Variants in JAZF1 observed in about 807,000 individuals in gnomAD.
JAZF1 encodes juxtaposed with another zinc finger protein 1.
In JAZF1, 8 loss-of-function variants were observed where a neutral mutation model predicts 26.4. The observed-to-expected ratio is 0.30, with a 90% CI of 0.18 to 0.55. The LOEUF is 0.55. Ranked by LOEUF, JAZF1 falls within the 20% of genes least tolerant of loss-of-function variation. The probability of loss-of-function intolerance (pLI) is 0.94; values close to 1 mark genes in which losing one functional copy is unlikely to be tolerated. For synonymous variants in JAZF1, 126 were observed against 122.3 expected (o/e 1.03, Z -0.20); for missense variants, 199 against 322.0 (o/e 0.62, Z 2.92).
intron 1 of JAZF1, among the ~76,000 whole-genome samples, chr7:28,099,020 T>G (rs6958010): frequency 0.78 from 119,173 of 152,118 alleles, 47,007 homozygotes; most frequent in African/African-American, 0.87. Context: ...CTAATAAGCA[T>G]CAGGGCAAAG....
Position 27,831,767 on chromosome 7 carries a change from G to A in JAZF1, c.*1033C>T. ...GGTCTTAACAAAAGTGTTCATCTTT[G>A]AAACGTGCTTAGAATTTTAGTTCTG... On this transcript the variant is annotated 3_prime_UTR_variant, in exon 5 of 5. Transcript: ENST00000283928. 4.5e-6 allele frequency: 1 copy of A among 223,926 alleles called. No homozygotes were observed. Among genetic ancestry groups the A allele is most frequent in the African/African-American group, 2.2e-5 (1 of 44,938 alleles). The allele number at this position is 223,926 out of a possible 1,614,324, so 13.9% of individuals were successfully genotyped here.
intron 2 of JAZF1, among the ~76,000 whole-genome samples, chr7:27,960,897 G>T (rs1292964986): frequency 2.0e-5 from 3 of 152,182 alleles, no homozygotes; most frequent in Non-Finnish European, 4.4e-5. Context: ...AACAAACACA[G>T]CTAAGAATGA....
At position 28,176,811 on chromosome 7, in the gene JAZF1, C is replaced by T. The variant is rs114223625; in HGVS notation, c.115+3652G>A. Reference sequence around the variant, plus strand: ...TGTGTTTCTCAGACAAAAAGCCATACGATTTCATAGCACTGGGATGCAGGG... The same window carrying T: ...TGTGTTTCTCAGACAAAAAGCCATATGATTTCATAGCACTGGGATGCAGGG... On this transcript the variant is annotated intron_variant, in intron 1 of 4. Transcript: ENST00000283928. 1.9e-3 allele frequency among the ~76,000 whole-genome samples: 296 copies of T among 152,200 alleles called. 1 individual carries two copies. Among genetic ancestry groups the T allele is most frequent in the African/African-American group, 6.7e-3 (279 of 41,534 alleles).
chr7:28,129,542 T>C (rs1285300939), intron 1 of JAZF1, among the ~76,000 whole-genome samples: 2 of 152,146 alleles, frequency 1.3e-5, no homozygotes, highest in African/African-American at 2.4e-5. Flanking sequence ...GGTATTAATA[T>C]GGCATAATGA....
intron 3 of JAZF1, among the ~76,000 whole-genome samples, chr7:27,852,721 T>C (rs1380342347): frequency 1.3e-5 from 2 of 152,226 alleles, no homozygotes; most frequent in Non-Finnish European, 2.9e-5. Context: ...CAATCTACTT[T>C]ACAGAACACA....
intron 1 of JAZF1, among the ~76,000 whole-genome samples, chr7:28,068,303 T>C (rs1783918894): frequency 2.6e-5 from 4 of 151,610 alleles, no homozygotes; most frequent in Admixed American, 2.6e-4. Context: ...CAATATAAGA[T>C]GATTATTATC....
intron 3 of JAZF1, among the ~76,000 whole-genome samples, chr7:27,875,207 C>A (rs1026747225): frequency 1.3e-5 from 2 of 152,134 alleles, no homozygotes; most frequent in Non-Finnish European, 2.9e-5. Flanking sequence ...TTCTCTCTCG[C>A]TTTCTCTTCC....
intron 1 of JAZF1, among the ~76,000 whole-genome samples, chr7:28,046,965 T>G (rs7794172): frequency 6.6e-6 from 1 of 152,338 alleles, no homozygotes; most frequent in East Asian, 1.9e-4. Flanking sequence ...CATAATTTCA[T>G]GAAATTGAAT....
intron 1 of JAZF1, among the ~76,000 whole-genome samples, chr7:28,164,874 A>G (rs1783342262): frequency 6.6e-6 from 1 of 152,206 alleles, no homozygotes. Flanking sequence ...CATTATTTTT[A>G]ATACAACACA....
intron 2 of JAZF1, among the ~76,000 whole-genome samples, chr7:27,944,440 C>T (rs1404673377): frequency 6.6e-6 from 1 of 152,180 alleles, no homozygotes; most frequent in Non-Finnish European, 1.5e-5. Context: ...ACACATTTTA[C>T]TGAAAAATCA....
intron 1 of JAZF1, among the ~76,000 whole-genome samples, chr7:28,101,552 G>T (rs1784471300): frequency 7.9e-6 from 1 of 126,736 alleles, no homozygotes; most frequent in Non-Finnish European, 1.6e-5. Context: ...AGACTGGACA[G>T]CATAATGAGA....
chr7:27,846,383 G>GTATATATACATATACGTATACATGTA (rs1432998953), intron 3 of JAZF1: 179 of 250,560 alleles, frequency 7.1e-4, no homozygotes, highest in East Asian at 5.8e-3. Flanking sequence ...GTACATGTAC[G>GTATATATACATATACGTATACATGTA]TATATATACA....
chr7:28,054,503 C>T (rs538326291), intron 1 of JAZF1, among the ~76,000 whole-genome samples: 1 of 152,164 alleles, frequency 6.6e-6, no homozygotes, highest in East Asian at 1.9e-4. Context: ...GGCCCTTGCT[C>T]CCTAGTCATG....
At chr7:28,138,685 G>T (rs984169750) in intron 1 of JAZF1, among the ~76,000 whole-genome samples, 1 of 152,134 alleles carries the variant, frequency 6.6e-6, no homozygotes, top group Non-Finnish European at 1.5e-5. Context: ...TCTCCAAAGG[G>T]TTTTGGATTT....
chr7:28,098,945 TG>T, intron 1 of JAZF1, among the ~76,000 whole-genome samples: 1 of 152,180 alleles, frequency 6.6e-6, no homozygotes, highest in East Asian at 1.9e-4. Context: ...CAAAGCAAAA[TG>T]TTCTGAATTA....
chr7:28,137,126 G>T (rs1349333862), intron 1 of JAZF1, among the ~76,000 whole-genome samples: 1 of 152,174 alleles, frequency 6.6e-6, no homozygotes, highest in East Asian at 1.9e-4. Context: ...CAGTTACCAT[G>T]GTAGGGTAGG....
chr7:27,876,302 G>A (rs1783678769), intron 3 of JAZF1, among the ~76,000 whole-genome samples: 1 of 152,110 alleles, frequency 6.6e-6, no homozygotes, highest in Admixed American at 6.5e-5. Flanking sequence ...TTCCTCTTTA[G>A]GTAATCTTGA....
intron 3 of JAZF1, among the ~76,000 whole-genome samples, chr7:27,855,629 C>A (rs1304907909): frequency 2.0e-5 from 3 of 152,158 alleles, no homozygotes; most frequent in Non-Finnish European, 2.9e-5. Flanking sequence ...TGGATAAATT[C>A]TTGGACACAT....
At chr7:28,028,196 T>A (rs1783125179) in intron 1 of JAZF1, among the ~76,000 whole-genome samples, 1 of 152,182 alleles carries the variant, frequency 6.6e-6, no homozygotes, top group Non-Finnish European at 1.5e-5. Context: ...ACCCAAGCAG[T>A]CATTACCCTC....
Sources: allele counts gnomAD v4.1 joint callset (sites outside exome capture counted in the v4.1 genomes callset), GRCh38; gene constraint gnomAD v4.1.1; transcripts MANE v1.5; gene names NCBI Gene and HGNC (gene_info 2026-07-23, HGNC 2026-07-21).